Variants in SHISA6 observed in about 807,000 individuals in gnomAD.
SHISA6 encodes the protein protein shisa-6.
Under a neutral mutation model 47.9 loss-of-function variants are expected in SHISA6, and 22 were observed. The ratio of observed to expected loss-of-function variants is 0.46; its 90% CI spans 0.33 to 0.66. The LOEUF is 0.66. Among genes scored for constraint, SHISA6 ranks in the 30% least tolerant of loss-of-function variants. The probability of loss-of-function intolerance (pLI) is 0.02; values close to 1 mark genes in which losing one functional copy is unlikely to be tolerated. For synonymous variants in SHISA6, 388 were observed against 337.8 expected (o/e 1.15, Z -1.63); for missense variants, 680 against 764.6 (o/e 0.89, Z 1.30).
In SHISA6 at chr17:11,559,018, C is replaced by T. The variant is rs1356933044; in HGVS notation, c.*714C>T. The T allele has an allele frequency of 6.5e-6, 1 of 153,120 alleles. No individual in the cohort carries two copies. Among genetic ancestry groups the T allele is most frequent in the Non-Finnish European group, 1.5e-5 (1 of 68,420 alleles). 9.5% of individuals were successfully genotyped at this position (153,120 alleles called of 1,614,324 possible). A position where few individuals can be genotyped will look rare whatever the true frequency, so the allele number is the denominator to read the frequency against. ...TGCCTCCCCATTGGTGGGAACTCCA[C>T]CCCCTTCCAGCTGACTGCCCGCCCA... On this transcript the variant is annotated 3_prime_UTR_variant, in exon 6 of 6. Transcript: ENST00000441885. This position sits in a 1 kb window ranked among gnomAD's most constrained non-coding sequence, Gnocchi z 4.4.
At chr17:11,297,020 G>A (rs1909776044) in intron 2 of SHISA6, among the ~76,000 whole-genome samples, 1 of 152,150 alleles carries the variant, frequency 6.6e-6, no homozygotes, top group Non-Finnish European at 1.5e-5. Context: ...GGACTCGAGA[G>A]GCCAATTTGG....
At chr17:11,481,142 G>C (rs576133122) in intron 3 of SHISA6, among the ~76,000 whole-genome samples, 1 of 152,060 alleles carries the variant, frequency 6.6e-6, no homozygotes, top group Admixed American at 6.5e-5. Context: ...AGCCAGGTGT[G>C]GTGGCATGTG....
chr17:11,401,288 C>T (rs939039767), intron 3 of SHISA6, among the ~76,000 whole-genome samples: 1 of 152,160 alleles, frequency 6.6e-6, no homozygotes, highest in Admixed American at 6.5e-5. Flanking sequence ...TTCTGTCTCC[C>T]AGGCTCAAGT....
intron 3 of SHISA6, among the ~76,000 whole-genome samples, chr17:11,547,305 T>C (rs534391488): frequency 1.3e-5 from 2 of 152,352 alleles, no homozygotes; most frequent in East Asian, 3.9e-4. Flanking sequence ...AAAAATTGAT[T>C]GTATATTAGT....
intron 2 of SHISA6, among the ~76,000 whole-genome samples, chr17:11,315,263 G>T (rs1910467304): frequency 6.6e-6 from 1 of 151,966 alleles, no homozygotes; most frequent in South Asian, 2.1e-4. Flanking sequence ...CAGTATGTGG[G>T]GAAAGTTATT....
At chr17:11,339,032 G>A (rs540611405) in intron 2 of SHISA6, among the ~76,000 whole-genome samples, 1 of 151,388 alleles carries the variant, frequency 6.6e-6, no homozygotes, top group African/African-American at 2.4e-5. Context: ...CAGCAACAGA[G>A]AGTTCATTGA....
chr17:11,248,288 T>G (rs1907667293), intron 1 of SHISA6, among the ~76,000 whole-genome samples: 1 of 152,200 alleles, frequency 6.6e-6, no homozygotes, highest in African/African-American at 2.4e-5. Context: ...TCTATTCTTT[T>G]GTCATCTATT....
rs559020963 is a variant in SHISA6, at chr17:11,251,036, G to A, written c.638+8976G>A. On this transcript the variant is annotated intron_variant, in intron 1 of 5. Transcript: ENST00000441885. ...GGCCCATGTTGTAGATGAGGAAACC[G>A]ATTCAGAGAGGCTTAGTAACTTGCC... is the stretch of plus-strand genomic sequence containing the variant. Among the ~76,000 whole-genome samples the A allele has an allele frequency of 5.1e-3, 769 of 152,148 alleles. 3 individuals carry two copies. The highest frequency in any genetic ancestry group is 8.9e-3 in the Non-Finnish European group (605 of 67,990).
chr17:11,490,059 T>G (rs1307593706), intron 3 of SHISA6, among the ~76,000 whole-genome samples: 1 of 152,062 alleles, frequency 6.6e-6, no homozygotes, highest in Non-Finnish European at 1.5e-5. Flanking sequence ...TTCCTCTTTG[T>G]CAGAAAGGTC....
chr17:11,253,389 A>G (rs146522373), intron 1 of SHISA6, among the ~76,000 whole-genome samples: 1,747 of 152,060 alleles, frequency 0.011, 40 homozygotes, highest in African/African-American at 0.04. Context: ...CAGAGATTTC[A>G]CAGGGGACAT....
intron 3 of SHISA6, among the ~76,000 whole-genome samples, chr17:11,396,961 A>C (rs1181409312): frequency 6.6e-6 from 1 of 152,150 alleles, no homozygotes; most frequent in Non-Finnish European, 1.5e-5. Context: ...TGGAACCCAT[A>C]TGTACAACAT....
At chr17:11,283,221 G>T (rs1909181479) in intron 2 of SHISA6, among the ~76,000 whole-genome samples, 1 of 152,170 alleles carries the variant, frequency 6.6e-6, no homozygotes. Flanking sequence ...CTCTTTGAAA[G>T]CAACTATATA....
chr17:11,450,814 G>A (rs971584865), intron 3 of SHISA6, among the ~76,000 whole-genome samples: 3 of 152,096 alleles, frequency 2.0e-5, no homozygotes, highest in African/African-American at 4.8e-5. Flanking sequence ...CCAATTGGTC[G>A]ATGGTTACAG....
intron 2 of SHISA6, among the ~76,000 whole-genome samples, chr17:11,283,933 GT>G (rs937286357): frequency 1.3e-5 from 2 of 152,092 alleles, no homozygotes; most frequent in African/African-American, 2.4e-5. Flanking sequence ...AGACTTGATA[GT>G]TTTTTTGGTA....
chr17:11,425,554 C>G (rs1197318813), intron 3 of SHISA6, among the ~76,000 whole-genome samples: 1 of 152,060 alleles, frequency 6.6e-6, no homozygotes, highest in Non-Finnish European at 1.5e-5. Context: ...TAAAGAATTC[C>G]TTTGGCTTCA....
chr17:11,414,697 G>A (rs957839259), intron 3 of SHISA6, among the ~76,000 whole-genome samples: 7 of 152,184 alleles, frequency 4.6e-5, no homozygotes, highest in South Asian at 2.1e-4. Flanking sequence ...TAAATGACAT[G>A]TAGGCAAATA....
intron 1 of SHISA6, among the ~76,000 whole-genome samples, chr17:11,243,170 T>C (rs1421784415): frequency 2.0e-5 from 3 of 151,558 alleles, no homozygotes; most frequent in Non-Finnish European, 4.4e-5. Context: ...CCTTGAGCTC[T>C]TCTCTGCGTC....
At chr17:11,493,394 T>A (rs987672764) in intron 3 of SHISA6, among the ~76,000 whole-genome samples, 1 of 152,010 alleles carries the variant, frequency 6.6e-6, no homozygotes, top group African/African-American at 2.4e-5. Context: ...GCTCAGCTAA[T>A]TTTTGTATTT....
chr17:11,527,390 T>C (rs1312320137), intron 3 of SHISA6, among the ~76,000 whole-genome samples: 2 of 152,188 alleles, frequency 1.3e-5, no homozygotes, highest in Non-Finnish European at 1.5e-5. Context: ...GATTGAAATA[T>C]AGAAATTGGA....
Sources: allele counts gnomAD v4.1 joint callset (sites outside exome capture counted in the v4.1 genomes callset), GRCh38; gene constraint gnomAD v4.1.1; non-coding constraint Gnocchi (gnomAD v3.1); transcripts MANE v1.5; gene names NCBI Gene and HGNC (gene_info 2026-07-23, HGNC 2026-07-21).